TPD52L2: variants seen among roughly 807,000 people sequenced by gnomAD.
TPD52L2 encodes tumor protein D54.
TPD52L2 carries 19 observed loss-of-function variants against 24.7 expected under a neutral mutation model. The observed-to-expected ratio is 0.77, with a 90% CI of 0.54 to 1.13. The LOEUF is 1.13. TPD52L2 is among the 50% of genes most tolerant of loss of function. The pLI, the probability that TPD52L2 is intolerant of heterozygous loss-of-function variation, is 0.00. For synonymous variants in TPD52L2, 104 were observed against 100.2 expected (o/e 1.04, Z -0.23); for missense variants, 236 against 250.4 (o/e 0.94, Z 0.39).
chr20:63,884,605 C>T (rs1165228317), intron 5 of TPD52L2, among the ~76,000 whole-genome samples: 1 of 152,240 alleles, frequency 6.6e-6, no homozygotes, highest in Admixed American at 6.5e-5. Flanking sequence ...TCTGCTCCTC[C>T]TTCTCTGATG....
chr20:63,871,700 C>T (rs1243704586), intron 2 of TPD52L2, among the ~76,000 whole-genome samples: 3 of 146,950 alleles, frequency 2.0e-5, no homozygotes, highest in Admixed American at 7.0e-5. Context: ...ATGGTGCGAT[C>T]TTGGCTCACT....
intron 5 of TPD52L2, among the ~76,000 whole-genome samples, chr20:63,884,480 C>A (rs1381580437): frequency 6.6e-6 from 1 of 152,182 alleles, no homozygotes; most frequent in Non-Finnish European, 1.5e-5. Context: ...CACGTGGAGC[C>A]CTTGGCACTG....
chr20:63,885,537 C>T (rs527817021), intron 5 of TPD52L2, among the ~76,000 whole-genome samples: 7 of 152,366 alleles, frequency 4.6e-5, no homozygotes, highest in Admixed American at 4.6e-4. Context: ...CACATCCTCC[C>T]ACGGTGCGTG....
intron 2 of TPD52L2, among the ~76,000 whole-genome samples, chr20:63,871,231 CAG>C (rs923120871): frequency 6.6e-5 from 10 of 151,956 alleles, no homozygotes; most frequent in Non-Finnish European, 5.9e-5. Context: ...TTAGTAGAGA[CAG>C]AGTTTCACCA....
chr20:63,886,084 GA>G, intron 5 of TPD52L2: 1 of 1,608,518 alleles, frequency 6.2e-7, no homozygotes, highest in Non-Finnish European at 8.5e-7. Context: ...ACTTTTCTCT[GA>G]ATTGGGGCAG....
intron 5 of TPD52L2, 173 bp from the exon 6 acceptor site, chr20:63,889,017 T>C: frequency 1.6e-6 from 1 of 644,976 alleles, no homozygotes; most frequent in Non-Finnish European, 2.8e-6. Context: ...GACCTCACTT[T>C]TGACCTGGGG....
chr20:63,884,152 A>C (rs1167551744), intron 5 of TPD52L2, among the ~76,000 whole-genome samples: 1 of 152,164 alleles, frequency 6.6e-6, no homozygotes, highest in South Asian at 2.1e-4. Flanking sequence ...TCCTCTGTGC[A>C]CCCTCACACG....
intron 1 of TPD52L2, 120 bp downstream of exon 1, chr20:63,865,504 C>T (rs2052180426): frequency 1.5e-6 from 2 of 1,335,070 alleles, no homozygotes; most frequent in East Asian, 2.8e-5. Flanking sequence ...CACCCCGCGG[C>T]CCCTCTTCAG....
rs1298259834 is a variant in TPD52L2, at chr20:63,877,068, C to G, written c.374+1193C>G. The G allele has an allele frequency of 6.9e-6, 3 of 435,558 alleles. No homozygotes were observed. Among genetic ancestry groups the G allele is most frequent in the African/African-American group, 6.2e-5 (3 of 48,718 alleles). 27.0% of individuals were successfully genotyped at this position (435,558 alleles called of 1,614,324 possible). ...TGAGACAACGTCTCGTTCTGTCTCC[C>G]AGGCTGGAGTGCAGTGGCGCCATCT... On this transcript the variant is annotated intron_variant, in intron 4 of 6. Coordinates refer to ENST00000346249, the MANE Select transcript of TPD52L2 (RefSeq NM_003288.4). The surrounding 1 kb of genome is among the most constrained non-coding windows in gnomAD (Gnocchi z 4.1).
chr20:63,866,367 T>G (rs1477968030), intron 1 of TPD52L2, among the ~76,000 whole-genome samples: 1 of 152,164 alleles, frequency 6.6e-6, no homozygotes, highest in Admixed American at 6.5e-5. Flanking sequence ...CCTCCCAAAG[T>G]GCTGGGATTA....
At position 63,873,697 on chromosome 20, in the gene TPD52L2, G is replaced by A. The variant is rs765190618; in HGVS notation, c.195G>A (p.Gln65=). ...AAGAGGAAATTGTCACTCTGCGCCA[G>A]GTCCTGGCAGCCAAGGAGAGGCACT... The part of the protein sequence containing the change: ...KVEEEIVTLR[Q]VLAAKERHCG... The change falls in exon 3 of 7, where the codon CAG becomes CAA. Residue 65 remains glutamine (Q), a synonymous_variant. Transcript: ENST00000346249. 2 of 1,609,158 alleles carry A rather than the reference G, an allele frequency of 1.2e-6. No homozygotes were observed. Among genetic ancestry groups the A allele is most frequent in the South Asian group, 2.2e-5 (2 of 90,166 alleles).
At chr20:63,867,821 A>T (rs2052312417) in intron 1 of TPD52L2, among the ~76,000 whole-genome samples, 1 of 148,902 alleles carries the variant, frequency 6.7e-6, no homozygotes, top group African/African-American at 2.4e-5. Flanking sequence ...CTCAAAAAAA[A>T]GAGACGGGGT....
At chr20:63,876,894 G>T (rs1301175449) in intron 4 of TPD52L2, 1 of 455,580 alleles carries the variant, frequency 2.2e-6, no homozygotes, top group Non-Finnish European at 4.4e-6. Context: ...GACCCGGGCG[G>T]TTCACGGCAT....
intron 1 of TPD52L2, among the ~76,000 whole-genome samples, chr20:63,865,643 C>T (rs1600768439): frequency 1.3e-5 from 2 of 151,944 alleles, no homozygotes. Context: ...AGGTGTGGTT[C>T]CCTGGCGCCC....
Position 63,890,007 on chromosome 20 carries a change from G to T in TPD52L2, c.*62G>T. The T allele has an allele frequency of 6.2e-7, 1 of 1,605,062 alleles. No individual in the cohort carries two copies. On this transcript the variant is annotated 3_prime_UTR_variant, in exon 7 of 7. Coordinates refer to ENST00000346249, the MANE Select transcript of TPD52L2 (RefSeq NM_003288.4). ...ACCCAGCCTCAGCATCACAGCCGCAGCTCTGTTCAGCGGAGCAGCCAGCCA... is the reference window on the plus strand; with the variant it reads ...ACCCAGCCTCAGCATCACAGCCGCATCTCTGTTCAGCGGAGCAGCCAGCCA...
rs897519409 is a variant in TPD52L2, at chr20:63,877,899, A to G, written c.374+2024A>G. 4.6e-5 allele frequency among the ~76,000 whole-genome samples: 7 copies of G among 152,180 alleles called. No homozygotes were observed. Among genetic ancestry groups the G allele is most frequent in the African/African-American group, 9.7e-5 (4 of 41,442 alleles). ...GCGATGGTTTCTGCCGGGACGGCCC[A>G]GGCCGAGGGCGATGGTTTCTGGTGG... On this transcript the variant is annotated intron_variant, in intron 4 of 6. Transcript: ENST00000346249. This position sits in a 1 kb window ranked among gnomAD's most constrained non-coding sequence, Gnocchi z 4.1.
chr20:63,874,222 T>G (rs1228604869), intron 3 of TPD52L2, among the ~76,000 whole-genome samples: 3 of 139,610 alleles, frequency 2.1e-5, no homozygotes, highest in African/African-American at 8.4e-5. Context: ...CGGCTGATTT[T>G]TTTTTTTGTG....
At chr20:63,881,076 A>G (rs1480158419) in intron 4 of TPD52L2, among the ~76,000 whole-genome samples, 1 of 151,716 alleles carries the variant, frequency 6.6e-6, no homozygotes, top group African/African-American at 2.4e-5. Context: ...CTGTCATCCG[A>G]GCGGGCTGGG....
At chr20:63,866,088 A>ATTTCTTTCTTTCTTTC (rs376658976) in intron 1 of TPD52L2, among the ~76,000 whole-genome samples, 72 of 151,696 alleles carry the variant, frequency 4.7e-4, no homozygotes, top group African/African-American at 1.6e-3. Flanking sequence ...GGGATGCTAA[A>ATTTCTTTCTTTCTTTC]TTTCTTTCTT....
Sources: gnomAD v4.1 joint callset for allele counts (sites outside exome capture counted in the v4.1 genomes callset) on GRCh38, gnomAD v4.1.1 for gene constraint, Gnocchi (gnomAD v3.1) non-coding constraint, MANE v1.5 for transcripts, NCBI Gene and HGNC (gene_info 2026-07-23, HGNC 2026-07-21) for gene names.